The following ZEB2 variants were observed in gnomAD, a reference collection of about 807,000 sequenced individuals.
The protein encoded by ZEB2 is zinc finger E-box binding homeobox 2.
ZEB2 carries 6 observed loss-of-function variants against 99.9 expected under a neutral mutation model. That is an observed-to-expected ratio of 0.06 (90% confidence interval 0.03 to 0.12). The LOEUF (loss-of-function observed/expected upper bound fraction) is 0.12. Among genes scored for constraint, ZEB2 ranks in the 10% least tolerant of loss-of-function variants. The probability of loss-of-function intolerance (pLI) is 1.00; values close to 1 mark genes in which losing one functional copy is unlikely to be tolerated. For missense variants in ZEB2, 969 were observed against 1,502.8 expected (o/e 0.64, Z 5.87); for synonymous variants, 517 against 542.5 (o/e 0.95, Z 0.65).
rs563831043 is a variant in ZEB2 at position 144,513,774 on chromosome 2, G to A, written c.73+3504C>T. 224 of 1,536,120 alleles carry A rather than the reference G, an allele frequency of 1.5e-4. No individual in the cohort carries two copies. The highest frequency in any genetic ancestry group is 1.0e-3 in the Admixed American group (53 of 51,000). ...GCAGCAGCAGGGCATCTCCCGCTCCGAGTGCTCATTTCTGACTCCAAGGCT... is the reference window on the plus strand; with the variant it reads ...GCAGCAGCAGGGCATCTCCCGCTCCAAGTGCTCATTTCTGACTCCAAGGCT... On this transcript the variant is annotated intron_variant, in intron 2 of 9. Transcript: ENST00000627532.
chr2:144,465,972 C>T (rs916890764), intron 2 of ZEB2, among the ~76,000 whole-genome samples: 2 of 152,166 alleles, frequency 1.3e-5, no homozygotes, highest in African/African-American at 2.4e-5. Context: ...AAACTGACAG[C>T]ACTAACTCTC....
chr2:144,402,207 A>G (rs1703321647), intron 6 of ZEB2, among the ~76,000 whole-genome samples: 1 of 152,162 alleles, frequency 6.6e-6, no homozygotes, highest in African/African-American at 2.4e-5. Context: ...GAATTCTGGA[A>G]AAAAAATGCA....
At chr2:144,493,165 A>T (rs1207529692) in intron 2 of ZEB2, among the ~76,000 whole-genome samples, 2 of 152,192 alleles carry the variant, frequency 1.3e-5, no homozygotes, top group East Asian at 3.8e-4. Context: ...GAGTAAAAAA[A>T]AAAGGAACGA....
chr2:144,517,249 G>A lies in ZEB2; in HGVS notation c.73+29C>T, dbSNP rs767416864. The stretch of plus-strand genomic sequence containing the variant: ...TGGGTCTCGAGCCGCGTAGTGGCCC[G>A]GAAAAGTTTGGTTCGGGCTGCTTCT... On this transcript the variant is annotated intron_variant, in intron 2 of 9. Transcript: ENST00000627532. 11 of 1,612,936 alleles carry A rather than the reference G, an allele frequency of 6.8e-6. No homozygotes were observed. In the African/African-American group the frequency reaches 1.1e-4, roughly 16 times the overall value.
At chr2:144,505,334 A>T (rs1412318959) in intron 2 of ZEB2, among the ~76,000 whole-genome samples, 1 of 152,186 alleles carries the variant, frequency 6.6e-6, no homozygotes, top group Non-Finnish European at 1.5e-5. Context: ...AAGGAAAGCA[A>T]GTGGTTTTCA....
At chr2:144,485,962 C>T (rs144485902) in intron 2 of ZEB2, among the ~76,000 whole-genome samples, 89 of 152,276 alleles carry the variant, frequency 5.8e-4, no homozygotes, top group African/African-American at 1.9e-3. Context: ...AAAAAGGAAT[C>T]GGTGATTTTA....
At position 144,468,649 on chromosome 2, in the gene ZEB2, A is replaced by G. The variant is rs570196356; in HGVS notation, c.74-38623T>C. Among the ~76,000 whole-genome samples the G allele has an allele frequency of 4.7e-4, 69 of 146,678 alleles. 1 individual carries two copies. Among genetic ancestry groups the G allele is most frequent in the African/African-American group, 1.7e-3 (68 of 39,870 alleles). ...TGTGCATGTGTGTGTACATGCACAC[A>G]CATGTTTGCGTGTATTACAGTACAA... On this transcript the variant is annotated intron_variant, in intron 2 of 9. Transcript: ENST00000627532.
Position 144,389,571 on chromosome 2 carries a change from A to C in ZEB2, c.3525T>G (p.Asp1175Glu). The change falls in exon 10 of 10, where the codon GAT becomes GAG. Residue 1175 changes from aspartate (D) to glutamate (E), a missense_variant. Asp to Glu is a conservative substitution (Grantham distance 45). This residue lies in a region of ZEB2 where 121 missense variants were observed against 166.4 expected (regional missense o/e 0.73). Coordinates refer to ENST00000627532, the MANE Select transcript of ZEB2 (RefSeq NM_014795.4). This position sits in a 1 kb window ranked among gnomAD's most constrained non-coding sequence, Gnocchi z 6.8. The stretch of plus-strand genomic sequence containing the variant: ...CTTCTTCATCTCGTATCGTTTCGGG[A>C]TCCGTATCCATACTTTTATTTTCAC... ...EESENKSMDT[D>E]PETIRDEEET... 6.2e-7 allele frequency: 1 copy of C among 1,613,730 alleles called. No homozygotes were observed. Among genetic ancestry groups the C allele is most frequent in the East Asian group, 2.2e-5 (1 of 44,850 alleles).
At chr2:144,466,694 C>A (rs1279070439) in intron 2 of ZEB2, among the ~76,000 whole-genome samples, 2 of 152,158 alleles carry the variant, frequency 1.3e-5, no homozygotes, top group Non-Finnish European at 2.9e-5. Flanking sequence ...TATACCGTAA[C>A]AATAAAACCT....
intron 2 of ZEB2, 107 bp downstream of exon 2, chr2:144,517,171 G>GCGCCGC (rs1018470315): frequency 2.6e-5 from 39 of 1,473,272 alleles, no homozygotes; most frequent in Middle Eastern, 2.4e-4. Context: ...AGAGCCCTGG[G>GCGCCGC]CGCCGCCGCC....
intron 4 of ZEB2, among the ~76,000 whole-genome samples, chr2:144,407,930 T>C (rs997267393): frequency 2.0e-5 from 3 of 152,244 alleles, no homozygotes; most frequent in Non-Finnish European, 4.4e-5. Context: ...TGCATATGAA[T>C]GTTTCCATCA....
intron 2 of ZEB2, among the ~76,000 whole-genome samples, chr2:144,467,547 T>TA (rs1403012733): frequency 1.3e-5 from 2 of 152,130 alleles, no homozygotes; most frequent in Non-Finnish European, 2.9e-5. Flanking sequence ...GCAGAGTCTT[T>TA]AAAAAATCCA....
intron 2 of ZEB2, chr2:144,514,155 T>G (rs1705092156): frequency 4.1e-6 from 1 of 244,138 alleles, no homozygotes; most frequent in Non-Finnish European, 8.1e-6. Flanking sequence ...TTCAGATACT[T>G]GTTTCTCTCT....
At chr2:144,513,646 G>A (rs752169402) in intron 2 of ZEB2, 6 of 1,534,100 alleles carry the variant, frequency 3.9e-6, no homozygotes, top group Non-Finnish European at 4.4e-6. Context: ...CCCGGGCTCC[G>A]TGGGAGGCAG....
At chr2:144,416,793 T>A (rs569179472) in intron 4 of ZEB2, among the ~76,000 whole-genome samples, 1 of 152,284 alleles carries the variant, frequency 6.6e-6, no homozygotes, top group African/African-American at 2.4e-5. Context: ...TTGAAGAAAG[T>A]CTTCCCTGAA....
intron 2 of ZEB2, chr2:144,514,500 G>A (rs1705097341): frequency 6.6e-6 from 1 of 152,164 alleles, no homozygotes; most frequent in Admixed American, 6.5e-5. Flanking sequence ...AAGCTCAAAA[G>A]TGACATCTTT....
chr2:144,409,544 T>C (rs1703430474), intron 4 of ZEB2, among the ~76,000 whole-genome samples: 2 of 152,128 alleles, frequency 1.3e-5, no homozygotes, highest in African/African-American at 4.8e-5. Context: ...GATCAAACCA[T>C]AACAAAAATT....
chr2:144,483,865 T>C (rs1206116500), intron 2 of ZEB2, among the ~76,000 whole-genome samples: 1 of 152,220 alleles, frequency 6.6e-6, no homozygotes, highest in Non-Finnish European at 1.5e-5. Context: ...TGGCCTAAGA[T>C]AGTTCCAACT....
intron 2 of ZEB2, among the ~76,000 whole-genome samples, chr2:144,446,988 C>G (rs376146821): frequency 6.7e-6 from 1 of 149,576 alleles, no homozygotes; most frequent in Non-Finnish European, 1.5e-5. Context: ...GGCACTCCAG[C>G]CTGGGTGACA....
Sources: gnomAD v4.1 joint callset for allele counts (sites outside exome capture counted in the v4.1 genomes callset) on GRCh38, gnomAD v4.1.1 for gene constraint, gnomAD v4.1.1 regional missense constraint, Gnocchi (gnomAD v3.1) non-coding constraint, MANE v1.5 for transcripts, NCBI Gene and HGNC (gene_info 2026-07-23, HGNC 2026-07-21) for gene names.